Variants in DYNC2H1 observed in about 807,000 individuals in gnomAD.
The protein encoded by DYNC2H1 is dynein cytoplasmic 2 heavy chain 1.
In DYNC2H1, 410 loss-of-function variants were observed where a neutral mutation model predicts 570.0. The observed-to-expected ratio is 0.72, with a 90% CI of 0.66 to 0.78. DYNC2H1 has a LOEUF of 0.78. Ranked by LOEUF, DYNC2H1 falls within the 30% of genes least tolerant of loss-of-function variation. DYNC2H1 has a pLI of 0.00. For synonymous variants in DYNC2H1, 1,688 were observed against 1,677.6 expected, an observed-to-expected ratio of 1.01 and a Z score of -0.15; for missense variants, 4,865 against 5,046.4, an observed-to-expected ratio of 0.96 and a Z score of 1.09.
chr11:103,162,479 A>AT (rs531485356), intron 29 of DYNC2H1, among the ~76,000 whole-genome samples: 3 of 152,066 alleles, frequency 2.0e-5, no homozygotes, highest in African/African-American at 4.8e-5. Flanking sequence ...GGAAAAATAC[A>AT]TTTTTTTTCA....
In DYNC2H1 at chr11:103,280,512, A is replaced by C. The variant is rs1423489253; in HGVS notation, c.10761+99A>C. On this transcript the variant is annotated intron_variant, in intron 71 of 88. Coordinates refer to ENST00000375735, the MANE Select transcript of DYNC2H1 (RefSeq NM_001377.3). The surrounding 1 kb of genome is among the most constrained non-coding windows in gnomAD (Gnocchi z 4.7). ...AGAAATTATTTAGGCTAGAAATTAT[A>C]TATCAACCTATTAATCTTTTACTAA... 1 of 1,021,158 alleles carries C rather than the reference A, an allele frequency of 9.8e-7. No individual in the cohort carries two copies. Among genetic ancestry groups the C allele is most frequent in the East Asian group, 2.6e-5 (1 of 38,262 alleles). 63.3% of individuals were successfully genotyped at this position (1,021,158 alleles called of 1,614,324 possible). A position where few individuals can be genotyped will look rare whatever the true frequency, so the allele number is the denominator to read the frequency against.
chr11:103,444,047 A>C (rs1452326471), intron 85 of DYNC2H1, among the ~76,000 whole-genome samples: 2 of 151,806 alleles, frequency 1.3e-5, no homozygotes, highest in Non-Finnish European at 2.9e-5. Flanking sequence ...AATTCCTCAA[A>C]GATCTGGATT....
At chr11:103,124,982 GT>G (rs140570273) in intron 11 of DYNC2H1, 117 bp from the exon 12 acceptor site, 91 of 694,698 alleles carry the variant, frequency 1.3e-4, no homozygotes, top group Middle Eastern at 4.1e-4. Context: ...TAATTAAAAA[GT>G]TTTTTTTTAC....
At chr11:103,306,634 C>A (rs2135403606) in intron 77 of DYNC2H1, among the ~76,000 whole-genome samples, 1 of 152,158 alleles carries the variant, frequency 6.6e-6, no homozygotes, top group African/African-American at 2.4e-5. Flanking sequence ...TAAGCAAGCA[C>A]AATGTTTTTA....
chr11:103,283,836 G>C (rs1317850889), intron 73 of DYNC2H1, among the ~76,000 whole-genome samples: 1 of 150,554 alleles, frequency 6.6e-6, no homozygotes, highest in South Asian at 2.1e-4. Flanking sequence ...TTGAGTAAAA[G>C]AAATGAAAAA....
chr11:103,157,027 T>C lies in DYNC2H1; in HGVS notation c.4127+257T>C, dbSNP rs1295799271. ...CATAAAATCACTAATTACTTTCTCT[T>C]TTAAATTCAAAAGGCATTTTCAATT... On this transcript the variant is annotated intron_variant, in intron 26 of 88. Transcript: ENST00000375735. This position sits in a 1 kb window ranked among gnomAD's most constrained non-coding sequence, Gnocchi z 4.2. Among the ~76,000 whole-genome samples the C allele has an allele frequency of 1.3e-5, 2 of 152,198 alleles. No individual in the cohort carries two copies. Among genetic ancestry groups the C allele is most frequent in the Admixed American group, 1.3e-4 (2 of 15,284 alleles).
rs1280215085 is a variant in DYNC2H1 at position 103,254,295 on chromosome 11, T to C, written c.10206+847T>C. 6.6e-6 allele frequency among the ~76,000 whole-genome samples: 1 copy of C among 152,178 alleles called. No homozygotes were observed. The highest frequency in any genetic ancestry group is 1.5e-5 in the Non-Finnish European group (1 of 68,024). On this transcript the variant is annotated intron_variant, in intron 66 of 88. Coordinates refer to ENST00000375735, the MANE Select transcript of DYNC2H1 (RefSeq NM_001377.3). The surrounding 1 kb of genome is among the most constrained non-coding windows in gnomAD (Gnocchi z 4.9). Reference sequence around the variant, plus strand: ...AGAATTGCTCCTGCTGTGTAAAAGATCTCCACAGTAGTTGCAAAAAAGGAG... The same window carrying C: ...AGAATTGCTCCTGCTGTGTAAAAGACCTCCACAGTAGTTGCAAAAAAGGAG...
rs1462620898 is a variant in DYNC2H1 at position 103,339,394 on chromosome 11, C to G, written c.12039+15404C>G. Among the ~76,000 whole-genome samples, 4 of 152,286 alleles carry G rather than the reference C, an allele frequency of 2.6e-5. No individual in the cohort carries two copies. The East Asian group carries it at 7.8e-4, about 30-fold the overall frequency. On this transcript the variant is annotated intron_variant, in intron 82 of 88. Coordinates refer to ENST00000375735, the MANE Select transcript of DYNC2H1 (RefSeq NM_001377.3). ...GAGGCCACATATCAAGTGGTGAGTT[C>G]TGCTGGGAGTCAGTTTATCCCACCA...
intron 70 of DYNC2H1, among the ~76,000 whole-genome samples, chr11:103,263,543 A>G (rs1292908004): frequency 6.6e-6 from 1 of 152,164 alleles, no homozygotes; most frequent in Non-Finnish European, 1.5e-5. Context: ...AATTAGAACT[A>G]AGGATTAAGA....
intron 88 of DYNC2H1, among the ~76,000 whole-genome samples, chr11:103,476,365 A>G (rs1945546681): frequency 6.6e-6 from 1 of 152,168 alleles, no homozygotes; most frequent in Non-Finnish European, 1.5e-5. Context: ...TATTTTCCCA[A>G]AACTTATATT....
intron 28 of DYNC2H1, among the ~76,000 whole-genome samples, chr11:103,160,162 C>T (rs1565353945): frequency 6.6e-6 from 1 of 151,998 alleles, no homozygotes. Flanking sequence ...TATCAAGTTA[C>T]CTCTCTGAAA....
At chr11:103,337,778 C>T (rs1939223374) in intron 82 of DYNC2H1, among the ~76,000 whole-genome samples, 1 of 152,102 alleles carries the variant, frequency 6.6e-6, no homozygotes, top group Non-Finnish European at 1.5e-5. Context: ...ATATTCTTGT[C>T]ATTAATCTCT....
At chr11:103,138,901 G>T (rs959358078) in intron 17 of DYNC2H1, among the ~76,000 whole-genome samples, 1 of 151,860 alleles carries the variant, frequency 6.6e-6, no homozygotes, top group Non-Finnish European at 1.5e-5. Context: ...GCCTGTTATT[G>T]GTCTATTCAG....
intron 83 of DYNC2H1, among the ~76,000 whole-genome samples, chr11:103,394,546 G>A (rs539963846): frequency 3.9e-5 from 6 of 152,060 alleles, no homozygotes; most frequent in African/African-American, 9.6e-5. Flanking sequence ...CAAGAGGAGG[G>A]TAGGGAAGGG....
intron 82 of DYNC2H1, among the ~76,000 whole-genome samples, chr11:103,352,471 T>G (rs1940100160): frequency 6.6e-6 from 1 of 152,216 alleles, no homozygotes; most frequent in East Asian, 1.9e-4. Flanking sequence ...TTAAAATTAC[T>G]TACTTGACCT....
chr11:103,121,959 A>T (rs574218807), intron 10 of DYNC2H1, among the ~76,000 whole-genome samples: 10 of 152,264 alleles, frequency 6.6e-5, no homozygotes, highest in Admixed American at 5.2e-4. Context: ...TCAAAAAAAA[A>T]ATATTGTAAA....
intron 82 of DYNC2H1, among the ~76,000 whole-genome samples, chr11:103,346,267 A>G (rs898511337): frequency 1.3e-5 from 2 of 152,200 alleles, no homozygotes; most frequent in Admixed American, 6.5e-5. Context: ...GAAAAGTCAC[A>G]AGTTCTTGGT....
chr11:103,210,871 A>C (rs992041761), intron 53 of DYNC2H1, among the ~76,000 whole-genome samples: 1 of 152,076 alleles, frequency 6.6e-6, no homozygotes, highest in African/African-American at 2.4e-5. Context: ...GCATTATGCT[A>C]AGGAGTTTGG....
At chr11:103,158,625 A>G in intron 26 of DYNC2H1, 52 bp from the exon 27 acceptor site, 1 of 1,440,144 alleles carries the variant, frequency 6.9e-7, no homozygotes, top group Non-Finnish European at 9.4e-7. Context: ...TGTTTTTCTT[A>G]CCCCCCCAAA....
Sources: allele counts gnomAD v4.1 joint callset (sites outside exome capture counted in the v4.1 genomes callset), GRCh38; gene constraint gnomAD v4.1.1; non-coding constraint Gnocchi (gnomAD v3.1); transcripts MANE v1.5; gene names NCBI Gene and HGNC (gene_info 2026-07-23, HGNC 2026-07-21).